The following TP53BP1 variants were observed in gnomAD, a reference collection of about 807,000 sequenced individuals.
TP53BP1 encodes the protein TP53-binding protein 1.
In TP53BP1, 61 loss-of-function variants were observed where a neutral mutation model predicts 200.8. The observed-to-expected ratio is 0.30, with a 90% confidence interval of 0.25 to 0.38. TP53BP1 has a LOEUF of 0.38. TP53BP1 is among the 10% of genes least tolerant of loss of function. The probability of loss-of-function intolerance (pLI) is 1.00; values close to 1 mark genes in which losing one functional copy is unlikely to be tolerated. For synonymous variants in TP53BP1, 822 were observed against 844.3 expected, an observed-to-expected ratio of 0.97 and a Z score of 0.46; for missense variants, 2,144 against 2,371.9, an observed-to-expected ratio of 0.90 and a Z score of 2.00.
intron 15 of TP53BP1, among the ~76,000 whole-genome samples, chr15:43,440,950 G>A (rs774318488): frequency 1.3e-4 from 20 of 152,126 alleles, no homozygotes; most frequent in East Asian, 1.9e-4. Flanking sequence ...TGCTATTAGC[G>A]TTTTCAGGCT....
intron 4 of TP53BP1, among the ~76,000 whole-genome samples, chr15:43,485,348 C>T (rs1342281035): frequency 3.3e-5 from 5 of 151,438 alleles, no homozygotes; most frequent in African/African-American, 9.7e-5. Context: ...GAGGCTGAGG[C>T]GGGCGGATCA....
Position 43,404,707 on chromosome 15 carries a change from T to A in TP53BP1, c.*2676A>T. On this transcript the variant is annotated 3_prime_UTR_variant, in exon 28 of 28. Coordinates refer to ENST00000382044, the MANE Select transcript of TP53BP1 (RefSeq NM_001141980.3). The stretch of plus-strand genomic sequence containing the variant: ...GTGTGACCATCTTTAATAATTTTAA[T>A]GGAGGTTATTTTCTAGTAGAAGTCA... 1 of 793,050 alleles carries A rather than the reference T, an allele frequency of 1.3e-6. No homozygotes were observed. The highest frequency in any genetic ancestry group is 2.1e-5 in the South Asian group (1 of 48,182). The allele number at this position is 793,050 out of a possible 1,614,324, so 49.1% of individuals were successfully genotyped here. A position where few individuals can be genotyped will look rare whatever the true frequency, so the allele number is the denominator to read the frequency against.
Position 43,409,683 on chromosome 15 carries a change from T to A in TP53BP1, c.5364A>T (p.Gly1788=). ...KQYTESQLRA[G]AGYILEDFNE... is the part of the protein sequence containing the mutation. ...TGAAATCTTCAAGGATATAGCCAGC[T>A]CCTGCTCGAAGCTGGGATTCTGTAT... The change falls in exon 25 of 28, where the codon GGA becomes GGT. Residue 1788 remains glycine, a synonymous_variant. Transcript: ENST00000382044. The A allele has an allele frequency of 6.3e-7, 1 of 1,578,120 alleles. No homozygotes were observed. The highest frequency in any genetic ancestry group is 8.6e-7 in the Non-Finnish European group (1 of 1,164,548).
chr15:43,410,443 T>G (rs2045081460), intron 24 of TP53BP1, among the ~76,000 whole-genome samples: 2 of 152,110 alleles, frequency 1.3e-5, no homozygotes, highest in African/African-American at 4.8e-5. Flanking sequence ...ATATGAGAGA[T>G]GAGGCTGAAG....
At position 43,428,439 on chromosome 15, in the gene TP53BP1, G is replaced by A. The variant is rs1465760931; in HGVS notation, c.3676-271C>T. ...CATTACATCTAGTACTTGTATTTAC[G>A]GACATTTAGGTGAACCTTTGACCCC... On this transcript the variant is annotated intron_variant, in intron 17 of 27. Transcript: ENST00000382044. Among the ~76,000 whole-genome samples, 7 of 151,992 alleles carry A rather than the reference G, an allele frequency of 4.6e-5. No individual in the cohort carries two copies. In the East Asian group the frequency reaches 7.7e-4, roughly 17 times the overall value.
At chr15:43,508,678 T>C (rs2079251827) in intron 1 of TP53BP1, among the ~76,000 whole-genome samples, 1 of 152,304 alleles carries the variant, frequency 6.6e-6, no homozygotes, top group South Asian at 2.1e-4. Context: ...ACTGGAATCA[T>C]CACCCAGTGG....
Position 43,456,684 on chromosome 15 carries a change from C to T in TP53BP1, c.1924G>A (p.Ala642Thr), listed in dbSNP as rs940578781. 4 of 1,614,028 alleles carry T rather than the reference C, an allele frequency of 2.5e-6. No homozygotes were observed. In the African/African-American group the frequency reaches 5.3e-5, roughly 22 times the overall value. The change falls in exon 12 of 28, where the codon GCA becomes ACA. Residue 642 changes from alanine to threonine, a missense_variant. Ala to Thr is a moderately conservative substitution (Grantham distance 58). This residue lies in a region of TP53BP1 where 1,700 missense variants were observed against 1,710.3 expected (regional missense o/e 0.99). Coordinates refer to ENST00000382044, the MANE Select transcript of TP53BP1 (RefSeq NM_001141980.3). The stretch of plus-strand genomic sequence containing the variant: ...TCCTGATCTAACACACTAGAAAGTG[C>T]CTCAGATCGAGTAGCTGGTGACGGA... Reference protein sequence around the residue: ...AVPSPATRSEALSSVLDQEEA... With the variant: ...AVPSPATRSETLSSVLDQEEA...
intron 15 of TP53BP1, among the ~76,000 whole-genome samples, chr15:43,440,951 T>G (rs916904018): frequency 6.6e-6 from 1 of 152,136 alleles, no homozygotes; most frequent in Non-Finnish European, 1.5e-5. Context: ...GCTATTAGCG[T>G]TTTCAGGCTG....
At chr15:43,444,855 A>G (rs1019386339) in intron 14 of TP53BP1, among the ~76,000 whole-genome samples, 5 of 152,022 alleles carry the variant, frequency 3.3e-5, no homozygotes, top group South Asian at 4.2e-4. Context: ...GTTTCCCCCA[A>G]TTCCCTCGTC....
At chr15:43,490,465 C>T (rs1190031583) in intron 4 of TP53BP1, among the ~76,000 whole-genome samples, 2 of 151,994 alleles carry the variant, frequency 1.3e-5, no homozygotes, top group Non-Finnish European at 2.9e-5. Flanking sequence ...CTCAAGTGAT[C>T]CTCTTGTCTG....
intron 12 of TP53BP1, among the ~76,000 whole-genome samples, chr15:43,454,625 A>AG: frequency 6.6e-6 from 1 of 152,132 alleles, no homozygotes; most frequent in East Asian, 1.9e-4. Context: ...AGCCTCCCAA[A>AG]GTGCTGGGAT....
chr15:43,500,399 T>A lies in TP53BP1; in HGVS notation c.-8-7931A>T, dbSNP rs547513287. 7.4e-5 allele frequency among the ~76,000 whole-genome samples: 11 copies of A among 148,120 alleles called. No homozygotes were observed. In the East Asian group the frequency reaches 1.2e-3, roughly 16 times the overall value. On this transcript the variant is annotated intron_variant, in intron 1 of 27. Transcript: ENST00000263801. ...AATGCTCAATCTTCTTTTGTTGAAA[T>A]TTTTTTTTTTCAAACAAATGCTCAA...
At chr15:43,439,207 G>A (rs1566934290) in intron 15 of TP53BP1, among the ~76,000 whole-genome samples, 2 of 152,106 alleles carry the variant, frequency 1.3e-5, no homozygotes, top group African/African-American at 2.4e-5. Flanking sequence ...GTGACAGCAA[G>A]TAATTTGAAC....
At chr15:43,425,688 A>G (rs2045511988) in intron 18 of TP53BP1, among the ~76,000 whole-genome samples, 1 of 152,238 alleles carries the variant, frequency 6.6e-6, no homozygotes, top group African/African-American at 2.4e-5. Flanking sequence ...GTAGTGTACT[A>G]GGCACAGAGT....
intron 18 of TP53BP1, 102 bp from the exon 19 acceptor site, chr15:43,422,228 A>G: frequency 7.6e-7 from 1 of 1,313,354 alleles, no homozygotes. Context: ...TTATAATTCA[A>G]AAAGGTGAGA....
chr15:43,456,557 A>G lies in TP53BP1; in HGVS notation c.2051T>C (p.Leu684Pro), dbSNP rs1379251443. 6.2e-7 allele frequency: 1 copy of G among 1,612,890 alleles called. No homozygotes were observed. The highest frequency in any genetic ancestry group is 2.2e-5 in the East Asian group (1 of 44,884). The stretch of plus-strand genomic sequence containing the variant: ...AACACTCTCCATATTTTCTTCTTTG[A>G]GTTCCTCTCCTTGACTTTCACAAGG... The part of the protein sequence containing the change: ...ETPCESQGEE[L>P]KEENMESVPL... The change falls in exon 12 of 28, where the codon CTC becomes CCC. Residue 684 changes from leucine (L) to proline (P), a missense_variant. By Grantham distance (98) the Leu-to-Pro change is moderately conservative. Around this residue, in one of 4 missense-constraint regions of TP53BP1, gnomAD observed 1,700 missense variants for 1,710.3 expected, o/e 0.99. Transcript: ENST00000382044.
intron 11 of TP53BP1, 47 bp from the exon 12 acceptor site, chr15:43,457,265 A>G (rs752837026): frequency 1.3e-5 from 19 of 1,431,978 alleles, no homozygotes; most frequent in East Asian, 7.1e-5. Flanking sequence ...ACATGATCAT[A>G]TATCTTTTAT....
intron 12 of TP53BP1, among the ~76,000 whole-genome samples, chr15:43,451,176 T>C (rs1389165760): frequency 6.6e-6 from 1 of 152,100 alleles, no homozygotes; most frequent in Non-Finnish European, 1.5e-5. Flanking sequence ...ACCATTACTT[T>C]TTTTCTTTTT....
Position 43,457,155 on chromosome 15 carries a change from T to C in TP53BP1, c.1453A>G (p.Met485Val), listed in dbSNP as rs183675655. 18 of 1,613,082 alleles carry C rather than the reference T, an allele frequency of 1.1e-5. No individual in the cohort carries two copies. Among genetic ancestry groups the C allele is most frequent in the East Asian group, 2.2e-5 (1 of 44,864 alleles). Residue 485 changes from methionine (M) to valine (V), a missense_variant, in exon 12 of 28, where the codon ATG (methionine) becomes GTG (valine). Met to Val is a conservative substitution (Grantham distance 21). Coordinates refer to ENST00000382044, the MANE Select transcript of TP53BP1 (RefSeq NM_001141980.3). Reference sequence around the variant, plus strand: ...TCAACTGTCAAAGATGAACTATGCATATCTCCATCTTTCTTCCCATCATTT... The same window carrying C: ...TCAACTGTCAAAGATGAACTATGCACATCTCCATCTTTCTTCCCATCATTT... ...QSNDGKKDGD[M>V]HSSSLTVECS...
Sources: gnomAD v4.1 joint callset for allele counts (sites outside exome capture counted in the v4.1 genomes callset) on GRCh38, gnomAD v4.1.1 for gene constraint, gnomAD v4.1.1 regional missense constraint, MANE v1.5 for transcripts, NCBI Gene and HGNC (gene_info 2026-07-23, HGNC 2026-07-21) for gene names.